Variants in MAP1A observed in about 807,000 individuals in gnomAD.
The protein encoded by MAP1A is microtubule associated protein 1A.
Under a neutral mutation model 185.9 loss-of-function variants are expected in MAP1A, and 42 were observed. The observed-to-expected ratio is 0.23, with a 90% CI of 0.18 to 0.29. The LOEUF (loss-of-function observed/expected upper bound fraction) is 0.29. MAP1A is among the 10% of genes least tolerant of loss of function. The pLI is 1.00. For synonymous variants in MAP1A, 1,229 were observed against 1,335.9 expected, an observed-to-expected ratio of 0.92 and a Z score of 1.74; for missense variants, 2,995 against 3,450.4, an observed-to-expected ratio of 0.87 and a Z score of 3.31.
In MAP1A at chr15:43,528,837, C is replaced by T. The variant is rs540588007; in HGVS notation, c.7364C>T (p.Pro2455Leu). The change falls in exon 4 of 6, where the codon CCA (proline) becomes CTA (leucine). Residue 2455 changes from proline to leucine, a missense_variant. Pro to Leu is a moderately conservative substitution (Grantham distance 98). This residue lies in a region of MAP1A where 2,728 missense variants were observed against 2,986.0 expected (regional missense o/e 0.91). Transcript: ENST00000300231. ...RGELSPSFLN[P>L]PLPPSIDDRD... Reference sequence around the variant, plus strand: ...GAGCTCTCCCCATCCTTCCTGAACCCACCTCTGCCCCCATCCATAGATGAT... The same window carrying T: ...GAGCTCTCCCCATCCTTCCTGAACCTACCTCTGCCCCCATCCATAGATGAT... 2 of 1,613,426 alleles carry T rather than the reference C, an allele frequency of 1.2e-6. No homozygotes were observed. The highest frequency in any genetic ancestry group is 1.7e-6 in the Non-Finnish European group (2 of 1,179,810).
Position 43,522,194 on chromosome 15 carries a change from G to T in MAP1A, c.721G>T (p.Val241Leu). The T allele has an allele frequency of 6.2e-7, 1 of 1,614,206 alleles. No individual in the cohort carries two copies. The highest frequency in any genetic ancestry group is 1.1e-5 in the South Asian group (1 of 91,084). ...CAATGGGAAGGAGGCTGAGATCTCC[G>T]TGCCCTACCTTACCTCTATCACTGC... ...LPNGKEAEIS[V>L]PYLTSITALV... The change falls in exon 4 of 6, where the codon GTG becomes TTG. Residue 241 changes from valine (V) to leucine (L), a missense_variant. This residue lies in a region of MAP1A where 264 missense variants were observed against 435.3 expected (regional missense o/e 0.61). Coordinates refer to ENST00000300231, the MANE Select transcript of MAP1A (RefSeq NM_002373.6). The surrounding 1 kb of genome is among the most constrained non-coding windows in gnomAD (Gnocchi z 5.9).
chr15:43,523,375 C>T lies in MAP1A; in HGVS notation c.1902C>T (p.Leu634=), dbSNP rs78858299. 1 of 1,611,518 alleles carries T rather than the reference C, an allele frequency of 6.2e-7. No homozygotes were observed. The change falls in exon 4 of 6, where the codon CTC becomes CTT. Residue 634 remains leucine (L), a synonymous_variant. Coordinates refer to ENST00000300231, the MANE Select transcript of MAP1A (RefSeq NM_002373.6). ...EEKKQREAER[L]PDRTEAREES... is the part of the protein sequence containing the mutation. ...AGAAGCAGAGGGAAGCAGAGAGGCT[C>T]CCAGACAGAACAGAAGCCAGAGAGG...
At position 43,523,034 on chromosome 15, in the gene MAP1A, A is replaced by G; in HGVS notation, c.1561A>G (p.Arg521Gly). The G allele has an allele frequency of 6.2e-7, 1 of 1,614,202 alleles. No homozygotes were observed. Among genetic ancestry groups the G allele is most frequent in the Non-Finnish European group, 8.5e-7 (1 of 1,180,026 alleles). The change falls in exon 4 of 6, where the codon AGG (arginine) becomes GGG (glycine). Residue 521 changes from arginine to glycine, a missense_variant. Coordinates refer to ENST00000300231, the MANE Select transcript of MAP1A (RefSeq NM_002373.6). ...ACCACTCCCAACCATCAGTGGGCAC[A>G]GGGAGCTGGTCCTATCCTCACCAGA... ...TVPLPTISGH[R>G]ELVLSSPEDL...
In MAP1A at chr15:43,522,245, C is replaced by T. The variant is rs1417589433; in HGVS notation, c.772C>T (p.Pro258Ser). The T allele has an allele frequency of 6.2e-7, 1 of 1,614,102 alleles. No homozygotes were observed. The highest frequency in any genetic ancestry group is 8.5e-7 in the Non-Finnish European group (1 of 1,180,046). Residue 258 changes from proline to serine, a missense_variant, in exon 4 of 6, where the codon CCC (proline) becomes TCC (serine). Around this residue, in one of 3 missense-constraint regions of MAP1A, gnomAD observed 264 missense variants for 435.3 expected, o/e 0.61. Coordinates refer to ENST00000300231, the MANE Select transcript of MAP1A (RefSeq NM_002373.6). The surrounding 1 kb of genome is among the most constrained non-coding windows in gnomAD (Gnocchi z 5.9). Reference protein sequence around the residue: ...TALVVWLPANPTEKIVRVLFP... With the variant: ...TALVVWLPANSTEKIVRVLFP... ...TCTGGTGGTCTGGCTACCAGCCAATCCCACTGAGAAGATTGTGCGTGTGCT... is the reference window on the plus strand; with the variant it reads ...TCTGGTGGTCTGGCTACCAGCCAATTCCACTGAGAAGATTGTGCGTGTGCT...
chr15:43,530,606 A>C lies in MAP1A; in HGVS notation c.*382A>C. On this transcript the variant is annotated 3_prime_UTR_variant, in exon 6 of 6. Coordinates refer to ENST00000300231, the MANE Select transcript of MAP1A (RefSeq NM_002373.6). ...CAACTCCAGGGACCTCTTTATCTCA[A>C]TCTATTTATTTGGCATCCTGGGAGG... The C allele has an allele frequency of 2.7e-5, 5 of 183,426 alleles. No individual in the cohort carries two copies. The highest frequency in any genetic ancestry group is 1.4e-4 in the East Asian group (1 of 7,348). 11.4% of individuals were successfully genotyped at this position (183,426 alleles called of 1,614,324 possible). A position where few individuals can be genotyped will look rare whatever the true frequency, so the allele number is the denominator to read the frequency against.
chr15:43,521,807 G>C lies in MAP1A; in HGVS notation c.334G>C (p.Glu112Gln), dbSNP rs770001780. The change falls in exon 4 of 6, where the codon GAG (glutamate) becomes CAG (glutamine). Residue 112 changes from glutamate to glutamine, a missense_variant. By Grantham distance (29) the Glu-to-Gln change is conservative. Around this residue, in one of 3 missense-constraint regions of MAP1A, gnomAD observed 264 missense variants for 435.3 expected, o/e 0.61. Coordinates refer to ENST00000300231, the MANE Select transcript of MAP1A (RefSeq NM_002373.6). The surrounding 1 kb of genome is among the most constrained non-coding windows in gnomAD (Gnocchi z 4.6). ...LQRKVAELEE[E>Q]QSQGSSSYSD... is the part of the protein sequence containing the mutation. ...GCGCAAAGTGGCAGAGCTAGAGGAG[G>C]AGCAGTCCCAGGGCTCTAGCAGTTA... The C allele has an allele frequency of 1.9e-6, 3 of 1,614,236 alleles. No homozygotes were observed. In the South Asian group the frequency reaches 3.3e-5, roughly 18 times the overall value.
upstream of MAP1A, among the ~76,000 whole-genome samples, chr15:43,513,954 C>T (rs2079290401): frequency 6.6e-6 from 1 of 152,202 alleles, no homozygotes; most frequent in South Asian, 2.1e-4. Flanking sequence ...GTCCTTTTGG[C>T]TACAGAGACT....
Position 43,524,556 on chromosome 15 carries a change from A to T in MAP1A, c.3083A>T (p.Asp1028Val), listed in dbSNP as rs1311729136. The T allele has an allele frequency of 5.0e-6, 8 of 1,613,930 alleles. No individual in the cohort carries two copies. The highest frequency in any genetic ancestry group is 6.8e-6 in the Non-Finnish European group (8 of 1,180,008). ...GAGCCCCAAGACTTTCAGGAGGCAGACTCCTGGGGAGACACTAAGCGCACA... is the reference window on the plus strand; with the variant it reads ...GAGCCCCAAGACTTTCAGGAGGCAGTCTCCTGGGGAGACACTAAGCGCACA... ...KSEPQDFQEA[D>V]SWGDTKRTPG... Residue 1028 changes from aspartate (D) to valine (V), a missense_variant, in exon 4 of 6, where the codon GAC (aspartate) becomes GTC (valine). Around this residue, in one of 3 missense-constraint regions of MAP1A, gnomAD observed 2,728 missense variants for 2,986.0 expected, o/e 0.91. Coordinates refer to ENST00000300231, the MANE Select transcript of MAP1A (RefSeq NM_002373.6).
intron 1 of MAP1A, chr15:43,511,255 G>C (rs781547173): frequency 1.3e-6 from 2 of 1,520,750 alleles, no homozygotes; most frequent in South Asian, 2.4e-5. Flanking sequence ...TGTGCTTCAG[G>C]CATCTCTACC....
chr15:43,513,012 T>C (rs2079287409), upstream of MAP1A, among the ~76,000 whole-genome samples: 4 of 152,156 alleles, frequency 2.6e-5, no homozygotes, highest in South Asian at 8.3e-4. Flanking sequence ...GTGAGGTGAC[T>C]ACGGAAAGCT....
In MAP1A at chr15:43,525,029, T is replaced by C; in HGVS notation, c.3556T>C (p.Trp1186Arg). 1.2e-6 allele frequency: 2 copies of C among 1,614,174 alleles called. No individual in the cohort carries two copies. Among genetic ancestry groups the C allele is most frequent in the Middle Eastern group, 1.6e-4 (1 of 6,062 alleles). Residue 1186 changes from tryptophan (W) to arginine (R), a missense_variant, in exon 4 of 6, where the codon TGG (tryptophan) becomes CGG (arginine). Transcript: ENST00000300231. ...LTEQYLHKDR[W>R]PEVSPEDTQS... ...AGAACAGTACCTACACAAAGACCGT[T>C]GGCCAGAGGTATCTCCAGAAGACAC...
intron 1 of MAP1A, chr15:43,512,177 T>C (rs1204455119): frequency 4.7e-6 from 7 of 1,495,990 alleles, no homozygotes; most frequent in Non-Finnish European, 6.4e-6. Context: ...CCTTCTTTGT[T>C]TTTCTCCCAC....
chr15:43,516,003 G>T (rs1025732124), upstream of MAP1A, among the ~76,000 whole-genome samples: 11 of 152,100 alleles, frequency 7.2e-5, no homozygotes, highest in African/African-American at 2.7e-4. Flanking sequence ...GCTCTGTATT[G>T]GTCTGGGAAA....
intron 1 of MAP1A, chr15:43,512,142 C>A: frequency 8.7e-7 from 1 of 1,144,780 alleles, no homozygotes; most frequent in Non-Finnish European, 1.3e-6. Context: ...TCTCACCACC[C>A]TACAACCTGC....
intron 1 of MAP1A, among the ~76,000 whole-genome samples, chr15:43,519,718 G>T (rs1176319075): frequency 6.6e-6 from 1 of 152,206 alleles, no homozygotes; most frequent in Non-Finnish European, 1.5e-5. Flanking sequence ...TAGGGGATTT[G>T]GGGATGCCTT....
rs1419022863 is a variant in MAP1A, at chr15:43,529,614, T to G, written c.8036-36T>G. The G allele has an allele frequency of 6.2e-7, 1 of 1,611,686 alleles. No homozygotes were observed. The highest frequency in any genetic ancestry group is 1.7e-5 in the Admixed American group (1 of 60,016). On this transcript the variant is annotated intron_variant, in intron 4 of 5. Transcript: ENST00000300231. This position sits in a 1 kb window ranked among gnomAD's most constrained non-coding sequence, Gnocchi z 4.3. ...GGGAAGGTTGCCAAAAGGGTTCTACTTTTCCTCTACAATGAATCCTGGCTT... is the reference window on the plus strand; with the variant it reads ...GGGAAGGTTGCCAAAAGGGTTCTACGTTTCCTCTACAATGAATCCTGGCTT...
In MAP1A at chr15:43,530,583, A is replaced by C; in HGVS notation, c.*359A>C. 4.9e-6 allele frequency: 1 copy of C among 203,762 alleles called. No homozygotes were observed. The highest frequency in any genetic ancestry group is 1.0e-5 in the Non-Finnish European group (1 of 99,748). 12.6% of individuals were successfully genotyped at this position (203,762 alleles called of 1,614,324 possible). The stretch of plus-strand genomic sequence containing the variant: ...CTCGTAGAGGGAGATTATATCCCCA[A>C]CTCCAGGGACCTCTTTATCTCAATC... On this transcript the variant is annotated 3_prime_UTR_variant, in exon 6 of 6. Coordinates refer to ENST00000300231, the MANE Select transcript of MAP1A (RefSeq NM_002373.6).
rs1460927772 is a variant in MAP1A, at chr15:43,528,251, T to G, written c.6778T>G (p.Ser2260Ala). The change falls in exon 4 of 6, where the codon TCC (serine) becomes GCC (alanine). Residue 2260 changes from serine to alanine, a missense_variant. Ser to Ala is a moderately conservative substitution (Grantham distance 99). Coordinates refer to ENST00000300231, the MANE Select transcript of MAP1A (RefSeq NM_002373.6). ...PASPALSEGS[S>A]SEATTPVISS... is the part of the protein sequence containing the mutation. ...CTCACCAGCCCTGTCTGAGGGCTCCTCCTCTGAGGCTACCACGCCTGTGAT... is the reference window on the plus strand; with the variant it reads ...CTCACCAGCCCTGTCTGAGGGCTCCGCCTCTGAGGCTACCACGCCTGTGAT... The G allele has an allele frequency of 1.2e-6, 2 of 1,614,076 alleles. No individual in the cohort carries two copies. Among genetic ancestry groups the G allele is most frequent in the Non-Finnish European group, 1.7e-6 (2 of 1,180,026 alleles).
Position 43,521,242 on chromosome 15 carries a change from G to C in MAP1A, c.-150-82G>C. On this transcript the variant is annotated intron_variant, in intron 3 of 5. Transcript: ENST00000300231. This position sits in a 1 kb window ranked among gnomAD's most constrained non-coding sequence, Gnocchi z 4.6. Reference sequence around the variant, plus strand: ...AAGGTAAGAGTCCACCTTGGAAAGAGGTGAAGATTAGGGTACTGAATCTAA... The same window carrying C: ...AAGGTAAGAGTCCACCTTGGAAAGACGTGAAGATTAGGGTACTGAATCTAA... The C allele has an allele frequency of 6.7e-7, 1 of 1,482,130 alleles. No individual in the cohort carries two copies. Among genetic ancestry groups the C allele is most frequent in the South Asian group, 1.4e-5 (1 of 73,732 alleles). 91.8% of individuals were successfully genotyped at this position (1,482,130 alleles called of 1,614,324 possible).
Sources: gnomAD v4.1 joint callset for allele counts (sites outside exome capture counted in the v4.1 genomes callset) on GRCh38, gnomAD v4.1.1 for gene constraint, gnomAD v4.1.1 regional missense constraint, Gnocchi (gnomAD v3.1) non-coding constraint, MANE v1.5 for transcripts, NCBI Gene and HGNC (gene_info 2026-07-23, HGNC 2026-07-21) for gene names.